NECTIN3: variants seen among roughly 807,000 people sequenced by gnomAD.
The protein encoded by NECTIN3 is nectin-3.
Under a neutral mutation model 49.4 loss-of-function variants are expected in NECTIN3, and 8 were observed. The ratio of observed to expected loss-of-function variants is 0.16; its 90% CI spans 0.10 to 0.29. NECTIN3 has a LOEUF of 0.29. NECTIN3 is among the 10% of genes least tolerant of loss of function. The pLI is 1.00. For synonymous variants in NECTIN3, 277 were observed against 241.1 expected (o/e 1.15, Z -1.38); for missense variants, 581 against 654.6 (o/e 0.89, Z 1.23).
At chr3:111,082,837 C>G (rs914620683) in intron 1 of NECTIN3, among the ~76,000 whole-genome samples, 1 of 152,110 alleles carries the variant, frequency 6.6e-6, no homozygotes, top group Non-Finnish European at 1.5e-5. Flanking sequence ...GCTTGTTTTC[C>G]TGCAACTAGA....
At chr3:111,092,131 T>C (rs1194657853) in intron 1 of NECTIN3, among the ~76,000 whole-genome samples, 1 of 152,218 alleles carries the variant, frequency 6.6e-6, no homozygotes, top group Non-Finnish European at 1.5e-5. Flanking sequence ...ATGTTTCAAT[T>C]GGGTTATTTA....
chr3:111,103,244 T>C (rs1476155590), intron 1 of NECTIN3, among the ~76,000 whole-genome samples: 1 of 152,180 alleles, frequency 6.6e-6, no homozygotes, highest in Non-Finnish European at 1.5e-5. Context: ...CTTGACAATA[T>C]TGAGTCTTCC....
intron 3 of NECTIN3, among the ~76,000 whole-genome samples, 178 bp from the exon 4 acceptor site, chr3:111,121,943 C>T (rs1347210445): frequency 1.3e-5 from 2 of 152,066 alleles, no homozygotes; most frequent in Admixed American, 6.6e-5. Flanking sequence ...CCATTTTATT[C>T]TTTCAGTCAG....
At chr3:111,113,415 G>A (rs1463673466) in intron 2 of NECTIN3, among the ~76,000 whole-genome samples, 3 of 152,042 alleles carry the variant, frequency 2.0e-5, no homozygotes, top group Non-Finnish European at 2.9e-5. Flanking sequence ...TCTGCTTCCT[G>A]GAGAACCAAA....
rs188521477 is a variant in NECTIN3 at position 111,165,097 on chromosome 3, A to C, written c.1221+17613A>C. 2.9e-3 allele frequency among the ~76,000 whole-genome samples: 438 copies of C among 151,826 alleles called. 2 individuals carry two copies. The highest frequency in any genetic ancestry group is 5.6e-3 in the Non-Finnish European group (382 of 67,900). ...AGTCTCGCTCTGTCGCCCAGGCTGG[A>C]GTGCCACTCAGTCTCAGCTCACTGC... On this transcript the variant is annotated intron_variant, in intron 7 of 8. Transcript: ENST00000493615.
chr3:111,095,195 G>A (rs535081133), intron 1 of NECTIN3, among the ~76,000 whole-genome samples: 17 of 152,132 alleles, frequency 1.1e-4, no homozygotes, highest in East Asian at 9.7e-4. Context: ...CCAAGTTTGC[G>A]TATACACAGA....
At chr3:111,106,002 C>A (rs1407979083) in intron 1 of NECTIN3, among the ~76,000 whole-genome samples, 1 of 145,268 alleles carries the variant, frequency 6.9e-6, no homozygotes. Flanking sequence ...TTTTTTTTTC[C>A]CACTTCTTGG....
chr3:111,146,423 G>A (rs1370656275), intron 6 of NECTIN3, among the ~76,000 whole-genome samples: 2 of 136,186 alleles, frequency 1.5e-5, no homozygotes, highest in African/African-American at 2.8e-5. Context: ...GACAGAGCGA[G>A]ACTCCGTCTC....
intron 7 of NECTIN3, among the ~76,000 whole-genome samples, chr3:111,167,466 A>G (rs961789635): frequency 6.6e-6 from 1 of 152,228 alleles, no homozygotes; most frequent in Admixed American, 6.5e-5. Flanking sequence ...AAATAGAAGG[A>G]TGAAGTGAGT....
intron 7 of NECTIN3, among the ~76,000 whole-genome samples, chr3:111,154,368 C>CTA (rs2035057811): frequency 6.6e-6 from 1 of 152,142 alleles, no homozygotes; most frequent in East Asian, 1.9e-4. Flanking sequence ...CTTTACGTAG[C>CTA]TATAATATAC....
chr3:111,151,920 T>TTGG (rs1348318481), intron 7 of NECTIN3, among the ~76,000 whole-genome samples: 2 of 151,718 alleles, frequency 1.3e-5, no homozygotes, highest in African/African-American at 4.8e-5. Flanking sequence ...AATTTATGTC[T>TTGG]TGGCACTGTT....
At chr3:111,073,521 T>C (rs547004176) in intron 1 of NECTIN3, 5 of 152,432 alleles carry the variant, frequency 3.3e-5, no homozygotes, top group African/African-American at 1.2e-4. Flanking sequence ...TTGTACGCTG[T>C]TTCTGTATGC....
chr3:111,144,977 C>T (rs752135678), exon 6 of NECTIN3: 83 of 1,536,218 alleles, frequency 5.4e-5, no homozygotes, highest in Non-Finnish European at 6.8e-5. Flanking sequence ...TTCATCATTG[C>T]TATCTTTGTG....
At chr3:111,125,055 GTCTCACCCTGTCACC>G (rs1208174708) in intron 4 of NECTIN3, among the ~76,000 whole-genome samples, 2 of 111,544 alleles carry the variant, frequency 1.8e-5, no homozygotes, top group Non-Finnish European at 3.4e-5. Context: ...TTGAGACAGA[GTCTCACCCTGTCACC>G]CAGGCTAGAG....
At chr3:111,101,948 C>A (rs1289506120) in intron 1 of NECTIN3, among the ~76,000 whole-genome samples, 1 of 152,084 alleles carries the variant, frequency 6.6e-6, no homozygotes, top group African/African-American at 2.4e-5. Context: ...ATGGTCTTCT[C>A]AGCTTATGAA....
rs377131761 is a variant in NECTIN3 at position 111,156,205 on chromosome 3, G to C, written c.1221+8721G>C. Among the ~76,000 whole-genome samples, 41 of 152,106 alleles carry C rather than the reference G, an allele frequency of 2.7e-4. No individual in the cohort carries two copies. The East Asian group carries it at 6.0e-3, about 22-fold the overall frequency. ...TAAAGCTCTCTAAGATACTTCTCTA[G>C]TACTCTGGAAGTGTCTTAGAACAAA... On this transcript the variant is annotated intron_variant, in intron 7 of 8. Coordinates refer to the NECTIN3 transcript ENST00000493615.
intron 1 of NECTIN3, among the ~76,000 whole-genome samples, chr3:111,104,885 A>T (rs892159943): frequency 6.6e-6 from 1 of 152,304 alleles, no homozygotes; most frequent in Non-Finnish European, 1.5e-5. Context: ...ATTTTAGAAC[A>T]ACTTGTCAGT....
At chr3:111,165,446 A>T (rs1429540693) in intron 7 of NECTIN3, among the ~76,000 whole-genome samples, 1 of 152,114 alleles carries the variant, frequency 6.6e-6, no homozygotes. Flanking sequence ...GATCTTTACT[A>T]CTTAGAGAAT....
downstream of NECTIN3, among the ~76,000 whole-genome samples, chr3:111,139,783 GTACTCCTATTATACA>G (rs2034694278): frequency 6.6e-6 from 1 of 151,502 alleles, no homozygotes; most frequent in Non-Finnish European, 1.5e-5. Flanking sequence ...AAATTAGTCT[GTACTCCTATTATACA>G]TGTGCTACTA....
Sources: allele counts gnomAD v4.1 joint callset (sites outside exome capture counted in the v4.1 genomes callset), GRCh38; gene constraint gnomAD v4.1.1; transcripts MANE v1.5; gene names NCBI Gene and HGNC (gene_info 2026-07-23, HGNC 2026-07-21).